HYCC1: variants seen among roughly 807,000 people sequenced by gnomAD.
HYCC1 encodes hyccin PI4KA lipid kinase complex subunit 1.
At chr7:22,978,209 G>A in the HYCC1 span, 1 of 1,459,652 alleles carries the variant, frequency 6.9e-7, no homozygotes, top group Non-Finnish European at 9.6e-7. Context: ...AAAAGCAGTT[G>A]CACAGGTTAT....
the HYCC1 span, among the ~76,000 whole-genome samples, chr7:22,924,656 G>T: frequency 6.6e-6 from 1 of 152,258 alleles, no homozygotes; most frequent in Non-Finnish European, 1.5e-5. Context: ...CCATTGCTCA[G>T]GCTTGAGTAG....
the HYCC1 span, among the ~76,000 whole-genome samples, chr7:22,917,542 C>T: frequency 1.3e-5 from 2 of 152,140 alleles, no homozygotes; most frequent in Admixed American, 1.3e-4. Flanking sequence ...ACTAAAATAC[C>T]TCTTGGTCTG....
the HYCC1 span, among the ~76,000 whole-genome samples, chr7:22,931,643 A>T: frequency 6.6e-6 from 1 of 152,208 alleles, no homozygotes; most frequent in Non-Finnish European, 1.5e-5. Flanking sequence ...AGAGAATAGT[A>T]GAGTTTCTAT....
the HYCC1 span, among the ~76,000 whole-genome samples, chr7:22,915,574 T>G: frequency 6.6e-6 from 1 of 152,200 alleles, no homozygotes; most frequent in East Asian, 1.9e-4. Flanking sequence ...AGATCTCGGC[T>G]TAGCGGCTTA....
the HYCC1 span, among the ~76,000 whole-genome samples, chr7:22,929,513 G>C: frequency 0.25 from 37,735 of 151,736 alleles, 4,834 homozygotes; most frequent in East Asian, 0.45. Flanking sequence ...ACAAACAACC[G>C]CATCAAAAAG....
At chr7:22,926,171 TC>T in the HYCC1 span, among the ~76,000 whole-genome samples, 1 of 151,624 alleles carries the variant, frequency 6.6e-6, no homozygotes, top group African/African-American at 2.4e-5. Context: ...CTAAAAGAGC[TC>T]CTGAAGGAAG....
chr7:22,972,548 T>A, the HYCC1 span, among the ~76,000 whole-genome samples: 6 of 152,256 alleles, frequency 3.9e-5, no homozygotes, highest in Non-Finnish European at 8.8e-5. Context: ...TTAAACAGTC[T>A]TGTATTAAAT....
At chr7:22,984,955 TAGTA>T in the HYCC1 span, among the ~76,000 whole-genome samples, 1 of 152,258 alleles carries the variant, frequency 6.6e-6, no homozygotes, top group Non-Finnish European at 1.5e-5. Flanking sequence ...AAAACTCCAG[TAGTA>T]AGTCAGATGA....
At chr7:22,998,904 T>C in the HYCC1 span, among the ~76,000 whole-genome samples, 4 of 152,316 alleles carry the variant, frequency 2.6e-5, no homozygotes, top group Admixed American at 2.6e-4. Flanking sequence ...AACACTATTC[T>C]CCAAAATAAT....
chr7:22,905,170 A>G, the HYCC1 span, among the ~76,000 whole-genome samples: 1 of 152,036 alleles, frequency 6.6e-6, no homozygotes, highest in Admixed American at 6.6e-5. Flanking sequence ...ACCACCCACC[A>G]GGCCCACCTC....
chr7:22,988,982 G>C, the HYCC1 span, among the ~76,000 whole-genome samples: 1 of 152,030 alleles, frequency 6.6e-6, no homozygotes, highest in South Asian at 2.1e-4. Flanking sequence ...TCCAAACCAG[G>C]AGGGGAAGGG....
the HYCC1 span, among the ~76,000 whole-genome samples, chr7:22,983,224 G>A: frequency 2.0e-5 from 3 of 152,002 alleles, no homozygotes; most frequent in South Asian, 6.2e-4. Context: ...AGCTATTGGG[G>A]GTGCTGAGGT....
chr7:22,960,208 G>A, the HYCC1 span: 1 of 1,569,368 alleles, frequency 6.4e-7, no homozygotes, highest in Non-Finnish European at 8.8e-7. Flanking sequence ...AGTGAAAAAT[G>A]TAAAAGAATC....
chr7:22,969,846 T>C, the HYCC1 span, among the ~76,000 whole-genome samples: 1 of 152,114 alleles, frequency 6.6e-6, no homozygotes, highest in African/African-American at 2.4e-5. Flanking sequence ...TTTAGTTTGA[T>C]GTAGATATCA....
At chr7:22,920,907 T>A in the HYCC1 span, among the ~76,000 whole-genome samples, 3 of 152,164 alleles carry the variant, frequency 2.0e-5, no homozygotes, top group Non-Finnish European at 4.4e-5. Flanking sequence ...AGCTAGTTCA[T>A]GTGAGATCTG....
the HYCC1 span, among the ~76,000 whole-genome samples, chr7:22,925,356 G>T: frequency 1.3e-5 from 2 of 152,152 alleles, no homozygotes; most frequent in African/African-American, 4.8e-5. Context: ...AGTTGAGAGA[G>T]GAAGGCTCCA....
the HYCC1 span, among the ~76,000 whole-genome samples, chr7:22,917,420 C>T: frequency 5.3e-5 from 8 of 152,302 alleles, no homozygotes; most frequent in South Asian, 6.2e-4. Flanking sequence ...TGCTATTCTA[C>T]GACTCCTGAG....
chr7:23,014,129 C>A, the HYCC1 span: 1 of 467,596 alleles, frequency 2.1e-6, no homozygotes, highest in African/African-American at 2.0e-5. Context: ...GCCAGCCTCT[C>A]TGACAGGCAC....
At chr7:22,989,900 CTTT>C in the HYCC1 span, among the ~76,000 whole-genome samples, 1 of 152,160 alleles carries the variant, frequency 6.6e-6, no homozygotes, top group Non-Finnish European at 1.5e-5. Flanking sequence ...CAATCTCCTT[CTTT>C]GAGTGACTAC....
Sources: gnomAD v4.1 joint callset for allele counts (sites outside exome capture counted in the v4.1 genomes callset) on GRCh38, gnomAD v4.1.1 for gene constraint, MANE v1.5 for transcripts, NCBI Gene and HGNC (gene_info 2026-07-23, HGNC 2026-07-21) for gene names.